The following TTC34 variants were observed in gnomAD, a reference collection of about 807,000 sequenced individuals.
TTC34 encodes tetratricopeptide repeat protein 34.
A neutral mutation model predicts 40.7 loss-of-function variants in TTC34; 44 were observed. The observed-to-expected ratio is 1.08, with a 90% confidence interval of 0.85 to 1.39. The LOEUF (loss-of-function observed/expected upper bound fraction) is 1.39. TTC34 is among the 40% of genes most tolerant of loss of function. The pLI is 0.00. For synonymous variants in TTC34, 422 were observed against 398.6 expected (o/e 1.06, Z -0.70); for missense variants, 884 against 838.0 (o/e 1.05, Z -0.68).
At chr1:2,750,068 T>C (rs1296856507) in intron 6 of TTC34, among the ~76,000 whole-genome samples, 21 of 66,828 alleles carry the variant, frequency 3.1e-4, no homozygotes, top group African/African-American at 6.4e-4. Context: ...TCTGACAGCC[T>C]GGAGCAGCAG....
rs868138329 is a variant in TTC34 at position 2,691,166 on chromosome 1, G to A, written c.2227-45603C>T. Among the ~76,000 whole-genome samples the A allele has an allele frequency of 4.4e-5, 3 of 67,538 alleles. 1 individual carries two copies. The highest frequency in any genetic ancestry group is 9.9e-5 in the African/African-American group (2 of 20,136). 44.3% of individuals were successfully genotyped at this position (67,538 alleles called of 152,430 possible). A position where few individuals can be genotyped will look rare whatever the true frequency, so the allele number is the denominator to read the frequency against. ...CGCCAGGGGAGTATCTGACAGACTG[G>A]AACAGCACCCTGCTTCCCCAGGTGA... On this transcript the variant is annotated intron_variant, in intron 6 of 8. Coordinates refer to ENST00000401095, the Ensembl canonical transcript of TTC34.
chr1:2,751,517 G>T, intron 6 of TTC34, among the ~76,000 whole-genome samples: 1 of 68,108 alleles, frequency 1.5e-5, no homozygotes, highest in Admixed American at 1.8e-4. Context: ...GCCTTGAACA[G>T]CACCCTGCAC....
At chr1:2,799,659 A>T (rs1643751916) in intron 2 of TTC34, among the ~76,000 whole-genome samples, 1 of 151,996 alleles carries the variant, frequency 6.6e-6, no homozygotes. Context: ...TGCCATCTTC[A>T]GTCTCCCATT....
At chr1:2,688,411 C>A (rs796711061) in intron 6 of TTC34, among the ~76,000 whole-genome samples, 2 of 152,192 alleles carry the variant, frequency 1.3e-5, no homozygotes, top group Admixed American at 6.5e-5. Context: ...CACCCACACC[C>A]CCAGGTGAGC....
At chr1:2,795,470 G>C (rs1386866859) in intron 2 of TTC34, among the ~76,000 whole-genome samples, 1 of 152,190 alleles carries the variant, frequency 6.6e-6, no homozygotes, top group Non-Finnish European at 1.5e-5. Context: ...TCTCTCACTG[G>C]TCATGATTCC....
intron 6 of TTC34, among the ~76,000 whole-genome samples, chr1:2,782,297 C>T (rs1643495575): frequency 6.6e-6 from 1 of 152,078 alleles, no homozygotes; most frequent in Non-Finnish European, 1.5e-5. Context: ...TACAATTGTT[C>T]CTATTACTAT....
exon 9 of TTC34, chr1:2,637,897 G>A (rs1174769330): frequency 6.6e-6 from 1 of 152,180 alleles, no homozygotes; most frequent in African/African-American, 2.4e-5. Context: ...ACTGAAACGT[G>A]GGCACTGAGT....
intron 6 of TTC34, among the ~76,000 whole-genome samples, chr1:2,652,022 ATC>A (rs766940518): frequency 0.94 from 73,178 of 78,108 alleles, 35,144 homozygotes; most frequent in Admixed American, 0.95. Flanking sequence ...AGCACCTGAC[ATC>A]GTGGAGCAGC....
intron 6 of TTC34, among the ~76,000 whole-genome samples, chr1:2,749,771 G>A (rs1473259646): frequency 2.4e-4 from 22 of 93,028 alleles, no homozygotes; most frequent in Admixed American, 4.3e-4. Flanking sequence ...ACACCCCCAG[G>A]CGAGCATCTG....
intron 6 of TTC34, among the ~76,000 whole-genome samples, chr1:2,753,106 C>T (rs1641380269): frequency 8.6e-6 from 1 of 115,800 alleles, no homozygotes; most frequent in East Asian, 2.8e-4. Context: ...CCCAGGCGAG[C>T]ATCCGACAGC....
chr1:2,640,481 C>T (rs1444191353), exon 9 of TTC34: 1 of 152,136 alleles, frequency 6.6e-6, no homozygotes, highest in African/African-American at 2.4e-5. Context: ...CTCATCAGGG[C>T]CCCTCGGTGG....
intron 6 of TTC34, among the ~76,000 whole-genome samples, chr1:2,767,880 C>A (rs1447417349): frequency 6.7e-6 from 1 of 149,224 alleles, no homozygotes; most frequent in Non-Finnish European, 1.5e-5. Flanking sequence ...TGAAACAGCA[C>A]CCTCCACCAC....
chr1:2,654,245 C>CT (rs1639258408), intron 6 of TTC34, among the ~76,000 whole-genome samples: 2 of 122,668 alleles, frequency 1.6e-5, no homozygotes, highest in East Asian at 2.6e-4. Context: ...GAGCAGCACC[C>CT]ACACCACCAG....
intron 2 of TTC34, among the ~76,000 whole-genome samples, chr1:2,795,053 A>C (rs1386260185): frequency 6.6e-6 from 1 of 151,458 alleles, no homozygotes; most frequent in Non-Finnish European, 1.5e-5. Flanking sequence ...AACAACAATC[A>C]AGCCTGGGCA....
Position 2,652,015 on chromosome 1 carries a change from A to AT in TTC34, c.2227-6453_2227-6452insA, listed in dbSNP as rs1639151674. 3.4e-5 allele frequency among the ~76,000 whole-genome samples: 3 copies of AT among 87,662 alleles called. 1 individual carries two copies. Among genetic ancestry groups the AT allele is most frequent in the Admixed American group, 2.8e-4 (2 of 7,144 alleles). The allele number at this position is 87,662 out of a possible 152,430, so 57.5% of individuals were successfully genotyped here. A position where few individuals can be genotyped will look rare whatever the true frequency, so the allele number is the denominator to read the frequency against. On this transcript the variant is annotated intron_variant, in intron 6 of 8. Transcript: ENST00000401095. ...AGCAGCATCCATACCCCAGGTGAGC[A>AT]CCTGACATCGTGGAGCAGCAGCCCA...
chr1:2,675,480 A>T (rs1639874408), intron 6 of TTC34, among the ~76,000 whole-genome samples: 1 of 107,534 alleles, frequency 9.3e-6, no homozygotes, highest in Non-Finnish European at 2.2e-5. Context: ...CAGCACCCAC[A>T]CTCCCAGGTG....
At chr1:2,687,793 GTC>G (rs1640433064) in intron 6 of TTC34, among the ~76,000 whole-genome samples, 3 of 132,876 alleles carry the variant, frequency 2.3e-5, no homozygotes, top group African/African-American at 9.3e-5. Context: ...GACAGCCTGG[GTC>G]GGCACCCACA....
At chr1:2,764,128 A>T (rs1478485777) in intron 6 of TTC34, among the ~76,000 whole-genome samples, 11 of 144,018 alleles carry the variant, frequency 7.6e-5, no homozygotes, top group African/African-American at 2.9e-4. Context: ...ACAGCCTGGA[A>T]CAGAACCCCA....
chr1:2,683,457 G>C, intron 6 of TTC34, among the ~76,000 whole-genome samples: 2 of 151,434 alleles, frequency 1.3e-5, no homozygotes, highest in African/African-American at 4.8e-5. Context: ...CCGACAGCCT[G>C]GAGCAGCACC....
Sources: gnomAD v4.1 joint callset for allele counts (sites outside exome capture counted in the v4.1 genomes callset) on GRCh38, gnomAD v4.1.1 for gene constraint, MANE v1.5 for transcripts, NCBI Gene and HGNC (gene_info 2026-07-23, HGNC 2026-07-21) for gene names.